IGF2BP3: variants seen among roughly 807,000 people sequenced by gnomAD.
IGF2BP3 encodes the protein insulin like growth factor 2 mRNA binding protein 3, also known as insulin-like growth factor 2 mRNA-binding protein 3.
Under a neutral mutation model 73.8 loss-of-function variants are expected in IGF2BP3, and 9 were observed. That is an observed-to-expected ratio of 0.12 (90% confidence interval 0.07 to 0.21). The LOEUF (loss-of-function observed/expected upper bound fraction) is 0.21, where lower values mean the gene tolerates loss of function less well. Among genes scored for constraint, IGF2BP3 ranks in the 10% least tolerant of loss-of-function variants. The pLI, the probability that IGF2BP3 is intolerant of heterozygous loss-of-function variation, is 1.00. For missense variants in IGF2BP3, 542 were observed against 714.0 expected (o/e 0.76, Z 2.75); for synonymous variants, 258 against 256.7 (o/e 1.01, Z -0.05).
intron 11 of IGF2BP3, 123 bp from the exon 12 acceptor site, chr7:23,317,836 A>C (rs545834149): frequency 1.3e-6 from 1 of 757,744 alleles, no homozygotes; most frequent in Non-Finnish European, 2.3e-6. Flanking sequence ...TCGTGAAGGA[A>C]ATTAGGGAGA....
intron 2 of IGF2BP3, among the ~76,000 whole-genome samples, chr7:23,435,946 G>A (rs539898242): frequency 1.3e-4 from 20 of 151,696 alleles, no homozygotes; most frequent in Admixed American, 1.3e-3. Context: ...TAGTAGAGAC[G>A]GGGTTTTACC....
At chr7:23,386,797 C>T (rs972416973) in intron 3 of IGF2BP3, among the ~76,000 whole-genome samples, 2 of 152,050 alleles carry the variant, frequency 1.3e-5, no homozygotes, top group East Asian at 3.9e-4. Flanking sequence ...GCTGGGCATG[C>T]TGGCTCACAC....
chr7:23,394,862 G>A (rs975897421), intron 3 of IGF2BP3, among the ~76,000 whole-genome samples: 3 of 152,214 alleles, frequency 2.0e-5, no homozygotes, highest in Admixed American at 6.5e-5. Context: ...TTATGGGAAA[G>A]ATACCATGTA....
In IGF2BP3 at chr7:23,393,188, T is replaced by C. The variant is rs147753586; in HGVS notation, c.285+25588A>G. On this transcript the variant is annotated intron_variant, in intron 3 of 14. Coordinates refer to ENST00000258729, the MANE Select transcript of IGF2BP3 (RefSeq NM_006547.3). ...CAGAAGGACCCTTTACCTACAGAAC[T>C]GTGCTATCACCTCACCAATGTTCAC... Among the ~76,000 whole-genome samples, 319 of 152,290 alleles carry C rather than the reference T, an allele frequency of 2.1e-3. 1 individual carries two copies. The highest frequency in any genetic ancestry group is 0.017 in the Middle Eastern group (5 of 294).
At chr7:23,331,095 G>A (rs1583894421) in intron 10 of IGF2BP3, among the ~76,000 whole-genome samples, 1 of 152,100 alleles carries the variant, frequency 6.6e-6, no homozygotes, top group Non-Finnish European at 1.5e-5. Context: ...CACTGCGCCC[G>A]GCTGCTTTAT....
chr7:23,409,051 C>T (rs756385564), intron 3 of IGF2BP3, among the ~76,000 whole-genome samples: 3 of 152,118 alleles, frequency 2.0e-5, no homozygotes, highest in Non-Finnish European at 4.4e-5. Context: ...GAGTGAGCAA[C>T]CTAGATCCCT....
At chr7:23,383,191 T>C (rs1393676467) in intron 3 of IGF2BP3, among the ~76,000 whole-genome samples, 1 of 152,124 alleles carries the variant, frequency 6.6e-6, no homozygotes, top group African/African-American at 2.4e-5. Flanking sequence ...GTGATGGAAG[T>C]GTAGCGCAAA....
rs749185879 is a variant in IGF2BP3 at position 23,351,373 on chromosome 7, T to C, written c.615A>G (p.Gln205=). The C allele has an allele frequency of 8.1e-6, 13 of 1,613,732 alleles. 1 individual carries two copies. The South Asian group carries it at 1.2e-4, about 15-fold the overall frequency. Residue 205 remains glutamine, a synonymous_variant, in exon 6 of 15, where the codon CAA becomes CAG. Coordinates refer to ENST00000258729, the MANE Select transcript of IGF2BP3 (RefSeq NM_006547.3). ...CTTTTCCTATGATGGCTCCAACAAA[T>C]TGGGTGGGAACCAGCAGGCGCAGAG... The part of the protein sequence containing the change: ...DLPLRLLVPT[Q]FVGAIIGKEG...
intron 10 of IGF2BP3, among the ~76,000 whole-genome samples, chr7:23,327,254 C>T (rs1404699166): frequency 6.6e-6 from 1 of 150,912 alleles, no homozygotes; most frequent in Non-Finnish European, 1.5e-5. Context: ...ATACACACAG[C>T]CATAAGACAG....
chr7:23,417,593 T>C (rs1011155457), intron 3 of IGF2BP3, among the ~76,000 whole-genome samples: 3 of 152,188 alleles, frequency 2.0e-5, no homozygotes, highest in South Asian at 4.1e-4. Flanking sequence ...GGCTGTTTCA[T>C]AGAAAGCTAC....
intron 3 of IGF2BP3, among the ~76,000 whole-genome samples, chr7:23,406,733 G>A (rs977790851): frequency 6.6e-6 from 1 of 152,072 alleles, no homozygotes; most frequent in Admixed American, 6.5e-5. Context: ...CCCACATCCT[G>A]CTGATTGGTC....
chr7:23,439,398 A>C (rs55948200), intron 2 of IGF2BP3, among the ~76,000 whole-genome samples: 11,476 of 145,234 alleles, frequency 0.079, 510 homozygotes, highest in Non-Finnish European at 0.11. Context: ...TAAAAATACA[A>C]AAAAAAAAAA....
rs868643303 is a variant in IGF2BP3, at chr7:23,415,788, A to G, written c.285+2988T>C. Among the ~76,000 whole-genome samples the G allele has an allele frequency of 8.5e-5, 13 of 152,278 alleles. No individual in the cohort carries two copies. In the South Asian group the frequency reaches 1.7e-3, roughly 19 times the overall value. ...CTTCCTCTTTGGCCTTCCAACCCTC[A>G]GGCCGTGGCTGCTCCTTACAGTCAC... On this transcript the variant is annotated intron_variant, in intron 3 of 14. Coordinates refer to ENST00000258729, the MANE Select transcript of IGF2BP3 (RefSeq NM_006547.3).
chr7:23,315,043 T>C (rs1288180827), intron 12 of IGF2BP3, among the ~76,000 whole-genome samples: 1 of 152,140 alleles, frequency 6.6e-6, no homozygotes, highest in African/African-American at 2.4e-5. Context: ...CCTCAGGTGA[T>C]CCACCCACCT....
chr7:23,451,622 A>G (rs1165332466), intron 2 of IGF2BP3, among the ~76,000 whole-genome samples: 1 of 152,070 alleles, frequency 6.6e-6, no homozygotes, highest in Non-Finnish European at 1.5e-5. Context: ...GACCTCTATC[A>G]TTCCTTATAA....
At chr7:23,462,564 G>A (rs7798556) in intron 2 of IGF2BP3, among the ~76,000 whole-genome samples, 252 of 152,060 alleles carry the variant, frequency 1.7e-3, no homozygotes, top group Middle Eastern at 6.8e-3. Flanking sequence ...GGGTTTCACC[G>A]TGTTAGCCAG....
intron 3 of IGF2BP3, among the ~76,000 whole-genome samples, chr7:23,403,484 A>G (rs1295891544): frequency 2.6e-5 from 4 of 152,218 alleles, no homozygotes; most frequent in African/African-American, 9.6e-5. Flanking sequence ...TCACTTCAGG[A>G]TTGTAATTGG....
At chr7:23,447,662 AAC>A (rs1788097733) in intron 2 of IGF2BP3, among the ~76,000 whole-genome samples, 1 of 152,006 alleles carries the variant, frequency 6.6e-6, no homozygotes, top group African/African-American at 2.4e-5. Flanking sequence ...AAGACCAAGG[AAC>A]TGTCCCAGAT....
chr7:23,391,478 G>A (rs757871842), intron 3 of IGF2BP3, among the ~76,000 whole-genome samples: 4 of 152,072 alleles, frequency 2.6e-5, no homozygotes, highest in African/African-American at 4.8e-5. Flanking sequence ...CGCTTTCCAC[G>A]GGTGCAAGGA....
Sources: allele counts gnomAD v4.1 joint callset (sites outside exome capture counted in the v4.1 genomes callset), GRCh38; gene constraint gnomAD v4.1.1; transcripts MANE v1.5; gene names NCBI Gene and HGNC (gene_info 2026-07-23, HGNC 2026-07-21).